The following ADARB1 variants were observed in gnomAD, a reference collection of about 807,000 sequenced individuals.
ADARB1 encodes double-stranded RNA-specific editase 1.
A neutral mutation model predicts 52.4 loss-of-function variants in ADARB1; 10 were observed. The ratio of observed to expected loss-of-function variants is 0.19; its 90% CI spans 0.12 to 0.32. The LOEUF (loss-of-function observed/expected upper bound fraction) is 0.32, where lower values mean the gene tolerates loss of function less well. Among genes scored for constraint, ADARB1 ranks in the 10% least tolerant of loss-of-function variants. The pLI is 1.00. For synonymous variants in ADARB1, 349 were observed against 371.1 expected (o/e 0.94, Z 0.68); for missense variants, 643 against 922.3 (o/e 0.70, Z 3.92).
Position 45,157,510 on chromosome 21 carries a change from C to T in ADARB1, c.-47-14100C>T, listed in dbSNP as rs191969261. Among the ~76,000 whole-genome samples, 16 of 151,994 alleles carry T rather than the reference C, an allele frequency of 1.1e-4. No homozygotes were observed. Among genetic ancestry groups the T allele is most frequent in the African/African-American group, 3.9e-4 (16 of 41,454 alleles). Reference sequence around the variant, plus strand: ...CGGAGCAACTTCACGAAGGCAGGGCCCTGTGAAGGTTTGTGCTCTCGTGTG... The same window carrying T: ...CGGAGCAACTTCACGAAGGCAGGGCTCTGTGAAGGTTTGTGCTCTCGTGTG... On this transcript the variant is annotated intron_variant, in intron 2 of 10. Transcript: ENST00000348831. This position sits in a 1 kb window ranked among gnomAD's most constrained non-coding sequence, Gnocchi z 4.1.
Position 45,223,216 on chromosome 21 carries a change from T to C in ADARB1, c.*1019T>C. The stretch of plus-strand genomic sequence containing the variant: ...TCAGTAGATACTCATTCTTGGAAAA[T>C]GCCATAGTTTTAAATTATTGTTTCC... On this transcript the variant is annotated 3_prime_UTR_variant, in exon 11 of 11. Transcript: ENST00000348831. 1 of 985,418 alleles carries C rather than the reference T, an allele frequency of 1.0e-6. No homozygotes were observed. The highest frequency in any genetic ancestry group is 1.2e-6 in the Non-Finnish European group (1 of 829,920). The allele number at this position is 985,418 out of a possible 1,614,324, so 61.0% of individuals were successfully genotyped here. A position where few individuals can be genotyped will look rare whatever the true frequency, so the allele number is the denominator to read the frequency against.
In ADARB1 at chr21:45,223,098, A is replaced by G; in HGVS notation, c.*901A>G. 1 of 985,494 alleles carries G rather than the reference A, an allele frequency of 1.0e-6. No individual in the cohort carries two copies. Among genetic ancestry groups the G allele is most frequent in the Non-Finnish European group, 1.2e-6 (1 of 829,942 alleles). 61.0% of individuals were successfully genotyped at this position (985,494 alleles called of 1,614,324 possible). A position where few individuals can be genotyped will look rare whatever the true frequency, so the allele number is the denominator to read the frequency against. On this transcript the variant is annotated 3_prime_UTR_variant, in exon 11 of 11. Coordinates refer to ENST00000348831, the MANE Select transcript of ADARB1 (RefSeq NM_001112.4). Reference sequence around the variant, plus strand: ...AAGGAATCACGAGGGCTACTGCACAATACATGGCCTAAGTTCCCTCTGTTC... The same window carrying G: ...AAGGAATCACGAGGGCTACTGCACAGTACATGGCCTAAGTTCCCTCTGTTC...
intron 1 of ADARB1, among the ~76,000 whole-genome samples, chr21:45,075,488 G>C (rs147202150): frequency 6.6e-6 from 1 of 152,236 alleles, no homozygotes; most frequent in African/African-American, 2.4e-5. Context: ...GTGTCCGCGC[G>C]GGATGCTCTG....
chr21:45,138,944 A>G (rs1279105936), intron 2 of ADARB1, among the ~76,000 whole-genome samples: 1 of 148,182 alleles, frequency 6.7e-6, no homozygotes, highest in Non-Finnish European at 1.5e-5. Flanking sequence ...TTTTTAAGAC[A>G]GAGTCTCGCT....
At chr21:45,198,972 A>C (rs369261318) in intron 8 of ADARB1, among the ~76,000 whole-genome samples, 1 of 152,216 alleles carries the variant, frequency 6.6e-6, no homozygotes. Context: ...AAAACTAACA[A>C]TATAAAACCA....
intron 2 of ADARB1, among the ~76,000 whole-genome samples, chr21:45,161,864 A>G (rs1281483299): frequency 1.3e-5 from 2 of 152,130 alleles, no homozygotes; most frequent in Admixed American, 1.3e-4. Flanking sequence ...ACTCAGCCAG[A>G]CTTGGGCAGA....
At chr21:45,083,966 G>C (rs2086245386) in intron 1 of ADARB1, among the ~76,000 whole-genome samples, 1 of 152,208 alleles carries the variant, frequency 6.6e-6, no homozygotes, top group African/African-American at 2.4e-5. Context: ...CTCCCAAAAT[G>C]CTGGGATTAC....
chr21:45,107,773 G>A (rs550148792), intron 1 of ADARB1, among the ~76,000 whole-genome samples: 1 of 152,340 alleles, frequency 6.6e-6, no homozygotes, highest in African/African-American at 2.4e-5. Flanking sequence ...TTACCTATGT[G>A]TTGGGAAAGG....
chr21:45,178,595 A>G (rs767179075), intron 4 of ADARB1, among the ~76,000 whole-genome samples: 1 of 152,122 alleles, frequency 6.6e-6, no homozygotes, highest in Non-Finnish European at 1.5e-5. Flanking sequence ...ATTGTCCTTC[A>G]ACAGGAAATT....
intron 8 of ADARB1, among the ~76,000 whole-genome samples, chr21:45,188,519 A>G (rs1057257408): frequency 1.3e-5 from 2 of 152,114 alleles, no homozygotes; most frequent in African/African-American, 2.4e-5. Context: ...TTTGGTTACC[A>G]TCTGCATGGA....
intron 2 of ADARB1, among the ~76,000 whole-genome samples, chr21:45,134,043 GGT>G (rs1327501246): frequency 5.2e-5 from 6 of 115,794 alleles, no homozygotes; most frequent in East Asian, 2.9e-4. Context: ...GCGCCCGATG[GGT>G]GTGTGTGCCC....
At position 45,200,927 on chromosome 21, in the gene ADARB1, C is replaced by G. The variant is rs746674496; in HGVS notation, c.1566-3628C>G. 6.6e-6 allele frequency among the ~76,000 whole-genome samples: 1 copy of G among 152,216 alleles called. No homozygotes were observed. Among genetic ancestry groups the G allele is most frequent in the Non-Finnish European group, 1.5e-5 (1 of 68,028 alleles). ...AGATCAGATGATAGCAGTCTGGACTCTGTTCCTAAAGAAATGGCACAAGGA... is the reference window on the plus strand; with the variant it reads ...AGATCAGATGATAGCAGTCTGGACTGTGTTCCTAAAGAAATGGCACAAGGA... On this transcript the variant is annotated intron_variant, in intron 8 of 10. Transcript: ENST00000348831. This position sits in a 1 kb window ranked among gnomAD's most constrained non-coding sequence, Gnocchi z 5.0.
chr21:45,104,947 G>A (rs2087181543), intron 1 of ADARB1, among the ~76,000 whole-genome samples: 1 of 152,236 alleles, frequency 6.6e-6, no homozygotes, highest in Non-Finnish European at 1.5e-5. Flanking sequence ...TGAGAACAGA[G>A]TTGGATAAAA....
chr21:45,136,388 G>A (rs960526240), intron 2 of ADARB1, among the ~76,000 whole-genome samples: 2 of 152,232 alleles, frequency 1.3e-5, no homozygotes, highest in Non-Finnish European at 2.9e-5. Context: ...AGATGACAGG[G>A]AAGAACTACA....
At chr21:45,180,984 C>A (rs542595425) in intron 5 of ADARB1, among the ~76,000 whole-genome samples, 1 of 152,216 alleles carries the variant, frequency 6.6e-6, no homozygotes, top group Non-Finnish European at 1.5e-5. Context: ...CGAGTGAGAA[C>A]ACGCAGCAGC....
rs530220504 is a variant in ADARB1, at chr21:45,083,921, G to A, written c.-220+9128G>A. ...TTACCGTGTTGCCCAGGCTGGTCTCGAGCTCCTGGACTCAAGGGATCCAAT... is the reference window on the plus strand; with the variant it reads ...TTACCGTGTTGCCCAGGCTGGTCTCAAGCTCCTGGACTCAAGGGATCCAAT... On this transcript the variant is annotated intron_variant, in intron 1 of 10. Coordinates refer to ENST00000348831, the MANE Select transcript of ADARB1 (RefSeq NM_001112.4). Among the ~76,000 whole-genome samples, 12 of 152,238 alleles carry A rather than the reference G, an allele frequency of 7.9e-5. 1 individual carries two copies. In the East Asian group the frequency reaches 1.5e-3, roughly 20 times the overall value.
chr21:45,212,811 A>T (rs2092793885), intron 9 of ADARB1, among the ~76,000 whole-genome samples: 1 of 152,256 alleles, frequency 6.6e-6, no homozygotes, highest in Non-Finnish European at 1.5e-5. Context: ...AAAATAACAC[A>T]AAAGAGAAAG....
Position 45,128,023 on chromosome 21 carries a change from A to C in ADARB1, c.-219-379A>C, listed in dbSNP as rs2088699456. ...ATGGTGCGTCTCTGTATCTGGACTC[A>C]CATTCACATGTGTGCATGTGTAGGG... On this transcript the variant is annotated intron_variant, in intron 1 of 10. Coordinates refer to ENST00000348831, the MANE Select transcript of ADARB1 (RefSeq NM_001112.4). This position sits in a 1 kb window ranked among gnomAD's most constrained non-coding sequence, Gnocchi z 4.6. 6.6e-6 allele frequency among the ~76,000 whole-genome samples: 1 copy of C among 152,136 alleles called. No homozygotes were observed. Among genetic ancestry groups the C allele is most frequent in the Non-Finnish European group, 1.5e-5 (1 of 68,012 alleles).
Position 45,111,429 on chromosome 21 carries a change from G to A in ADARB1, c.-219-16973G>A, listed in dbSNP as rs181587889. ...ATTATCAACATCCGTATCCGGAGCC[G>A]TGTATTTGTTACAGTTGATGACCCC... On this transcript the variant is annotated intron_variant, in intron 1 of 10. Transcript: ENST00000348831. Among the ~76,000 whole-genome samples the A allele has an allele frequency of 1.7e-4, 26 of 152,162 alleles. No individual in the cohort carries two copies. In the East Asian group the frequency reaches 4.8e-3, roughly 28 times the overall value.
Sources: gnomAD v4.1 joint callset for allele counts (sites outside exome capture counted in the v4.1 genomes callset) on GRCh38, gnomAD v4.1.1 for gene constraint, Gnocchi (gnomAD v3.1) non-coding constraint, MANE v1.5 for transcripts, NCBI Gene and HGNC (gene_info 2026-07-23, HGNC 2026-07-21) for gene names.